The following CNTFR variants were observed in gnomAD, a reference collection of about 807,000 sequenced individuals.
The protein encoded by CNTFR is ciliary neurotrophic factor receptor, also known as ciliary neurotrophic factor receptor subunit alpha.
Under a neutral mutation model 40.4 loss-of-function variants are expected in CNTFR, and 12 were observed. That is an observed-to-expected ratio of 0.30 (90% confidence interval 0.19 to 0.48). The LOEUF is 0.48. CNTFR is among the 20% of genes least tolerant of loss of function. CNTFR has a pLI of 0.99. For missense variants in CNTFR, 414 were observed against 506.8 expected (o/e 0.82, Z 1.76); for synonymous variants, 202 against 209.6 (o/e 0.96, Z 0.31).
intron 2 of CNTFR, among the ~76,000 whole-genome samples, chr9:34,577,313 G>A (rs1018542533): frequency 2.0e-5 from 3 of 152,324 alleles, no homozygotes; most frequent in Non-Finnish European, 2.9e-5. Flanking sequence ...GTGACTCCAC[G>A]GAAGACAGGC....
rs1002224705 is a variant in CNTFR, at chr9:34,568,841, G to A, written c.85+56C>T. ...TGTCAGGATGCAGCTATGCCAGTGA[G>A]GGTTCATGCCCAGCTCTGAGAGGGG... On this transcript the variant is annotated intron_variant, in intron 3 of 9. Transcript: ENST00000378980. 30 of 1,463,158 alleles carry A rather than the reference G, an allele frequency of 2.1e-5. No homozygotes were observed. The Admixed American group carries it at 4.5e-4, about 22-fold the overall frequency. The allele number at this position is 1,463,158 out of a possible 1,614,324, so 90.6% of individuals were successfully genotyped here.
chr9:34,574,089 TGGGCGGTGG>T (rs1473248250), intron 2 of CNTFR, among the ~76,000 whole-genome samples: 1 of 88,638 alleles, frequency 1.1e-5, no homozygotes, highest in African/African-American at 4.7e-5. Context: ...CTGGACAGCG[TGGGCGGTGG>T]GGGCGGGGGC....
chr9:34,564,475 C>A, intron 4 of CNTFR, 124 bp downstream of exon 4: 1 of 922,102 alleles, frequency 1.1e-6, no homozygotes, highest in Non-Finnish European at 1.7e-6. Flanking sequence ...AATCAGAGGG[C>A]AAGGGTCAGG....
At chr9:34,577,829 C>T (rs113687796) in intron 2 of CNTFR, among the ~76,000 whole-genome samples, 1 of 147,084 alleles carries the variant, frequency 6.8e-6, no homozygotes, top group Non-Finnish European at 1.5e-5. Flanking sequence ...GGGGGAGAGA[C>T]AGAGAAGAGA....
chr9:34,585,764 C>T (rs1450973815), intron 1 of CNTFR, among the ~76,000 whole-genome samples: 2 of 152,186 alleles, frequency 1.3e-5, no homozygotes, highest in East Asian at 3.9e-4. Context: ...AGGTCTCCCC[C>T]ACTACCCCCA....
chr9:34,576,425 C>T (rs1452021167), intron 2 of CNTFR, among the ~76,000 whole-genome samples: 1 of 152,222 alleles, frequency 6.6e-6, no homozygotes, highest in Non-Finnish European at 1.5e-5. Context: ...TGGCCTCTCA[C>T]GCCCCGACAC....
intron 6 of CNTFR, among the ~76,000 whole-genome samples, chr9:34,556,966 C>T (rs952608897): frequency 6.6e-6 from 1 of 152,116 alleles, no homozygotes; most frequent in Non-Finnish European, 1.5e-5. Flanking sequence ...TGTAGAAATA[C>T]TCTGTCTAGG....
chr9:34,564,162 A>G (rs1309207336), intron 4 of CNTFR, among the ~76,000 whole-genome samples: 1 of 152,012 alleles, frequency 6.6e-6, no homozygotes, highest in Non-Finnish European at 1.5e-5. Flanking sequence ...GGCCTCCTGG[A>G]GCGCCTTGCC....
intron 2 of CNTFR, among the ~76,000 whole-genome samples, chr9:34,580,836 C>G (rs912258461): frequency 9.9e-5 from 15 of 152,216 alleles, no homozygotes; most frequent in African/African-American, 3.6e-4. Context: ...GGACTCAGCA[C>G]CCCCTTAGTA....
chr9:34,560,964 C>T (rs1826048921), intron 4 of CNTFR, among the ~76,000 whole-genome samples: 1 of 152,256 alleles, frequency 6.6e-6, no homozygotes. Flanking sequence ...CGCATGAGGC[C>T]TGCCCGCCGG....
At chr9:34,579,696 G>C (rs1355646266) in intron 2 of CNTFR, among the ~76,000 whole-genome samples, 2 of 152,156 alleles carry the variant, frequency 1.3e-5, no homozygotes, top group Non-Finnish European at 2.9e-5. Flanking sequence ...ATGGGCAGCA[G>C]GGAGAAGCCC....
chr9:34,552,701 G>A lies in CNTFR; in HGVS notation c.922C>T (p.His308Tyr). ...GCAGCCTGGGCCTCCGTGGTGAGGTGTCGCGGTTCCTCAGTCCAGGGCGTA... is the reference window on the plus strand; with the variant it reads ...GCAGCCTGGGCCTCCGTGGTGAGGTATCGCGGTTCCTCAGTCCAGGGCGTA... ...HATPWTEEPR[H>Y]LTTEAQAAET... The change falls in exon 8 of 10, where the codon CAC (histidine) becomes TAC (tyrosine). Residue 308 changes from histidine (H) to tyrosine (Y), a missense_variant. By Grantham distance (83) the His-to-Tyr change is moderately conservative (BLOSUM62 2). This residue lies in a region of CNTFR where 81 missense variants were observed against 92.2 expected (regional missense o/e 0.88). Coordinates refer to ENST00000378980, the MANE Select transcript of CNTFR (RefSeq NM_147164.3). This position sits in a 1 kb window ranked among gnomAD's most constrained non-coding sequence, Gnocchi z 5.1. The A allele has an allele frequency of 6.2e-7, 1 of 1,613,644 alleles. No individual in the cohort carries two copies.
At chr9:34,590,337 G>T (rs3808875), upstream of CNTFR, among the ~76,000 whole-genome samples, 6,821 of 152,132 alleles carry the variant, frequency 0.045, 236 homozygotes, top group South Asian at 0.068. Context: ...CGACTCCCTG[G>T]CACACCCCGG....
chr9:34,555,794 A>G (rs1422668083), intron 7 of CNTFR, among the ~76,000 whole-genome samples: 1 of 151,966 alleles, frequency 6.6e-6, no homozygotes, highest in African/African-American at 2.4e-5. Context: ...TGGGGCCAGC[A>G]CAAGCCCAGA....
intron 2 of CNTFR, among the ~76,000 whole-genome samples, chr9:34,573,337 G>A (rs576706847): frequency 7.9e-5 from 12 of 152,340 alleles, no homozygotes; most frequent in African/African-American, 2.6e-4. Context: ...CACTAACTGC[G>A]TCTCAGCTGT....
intron 4 of CNTFR, among the ~76,000 whole-genome samples, chr9:34,561,832 T>A (rs911389058): frequency 1.3e-5 from 2 of 152,234 alleles, no homozygotes; most frequent in Admixed American, 1.3e-4. Context: ...ATATCCCCTG[T>A]TCCTCTGACC....
chr9:34,586,466 G>A (rs1386512711), intron 1 of CNTFR, among the ~76,000 whole-genome samples: 1 of 152,138 alleles, frequency 6.6e-6, no homozygotes, highest in Non-Finnish European at 1.5e-5. Flanking sequence ...GCAGTCGCAG[G>A]AGCCAAGGTC....
intron 3 of CNTFR, chr9:34,568,156 A>G (rs1203952164): frequency 6.6e-6 from 1 of 152,214 alleles, no homozygotes. Context: ...GCCTGGTTCA[A>G]GGTGAGTTTT....
In CNTFR at chr9:34,554,386, C is replaced by T. The variant is rs554475717; in HGVS notation, c.769-1532G>A. ...TTGTGGGCTTATGGTGGGCACCATA[C>T]CTCCAGGAATGTGGCCCCCAGGAGG... On this transcript the variant is annotated intron_variant, in intron 7 of 9. Coordinates refer to ENST00000378980, the MANE Select transcript of CNTFR (RefSeq NM_147164.3). 2.0e-5 allele frequency among the ~76,000 whole-genome samples: 3 copies of T among 152,286 alleles called. No homozygotes were observed. The South Asian group carries it at 6.2e-4, about 32-fold the overall frequency.
Sources: allele counts gnomAD v4.1 joint callset (sites outside exome capture counted in the v4.1 genomes callset), GRCh38; gene constraint gnomAD v4.1.1; regional missense constraint gnomAD v4.1.1; non-coding constraint Gnocchi (gnomAD v3.1); transcripts MANE v1.5; gene names NCBI Gene and HGNC (gene_info 2026-07-23, HGNC 2026-07-21).